The following ADAM23 variants were observed in gnomAD, a reference collection of about 807,000 sequenced individuals.
ADAM23 encodes disintegrin and metalloproteinase domain-containing protein 23.
ADAM23 carries 33 observed loss-of-function variants against 120.1 expected under a neutral mutation model. That is an observed-to-expected ratio of 0.27 (90% confidence interval 0.21 to 0.37). The LOEUF (loss-of-function observed/expected upper bound fraction) is 0.37, where lower values mean the gene tolerates loss of function less well. ADAM23 is among the 10% of genes least tolerant of loss of function. The pLI, the probability that ADAM23 is intolerant of heterozygous loss-of-function variation, is 1.00. For synonymous variants in ADAM23, 367 were observed against 375.2 expected (o/e 0.98, Z 0.25); for missense variants, 862 against 1,058.2 (o/e 0.81, Z 2.57).
chr2:206,542,519 A>G (rs1220257609), intron 5 of ADAM23, among the ~76,000 whole-genome samples: 1 of 152,112 alleles, frequency 6.6e-6, no homozygotes, highest in Non-Finnish European at 1.5e-5. Context: ...CCTAACAGTA[A>G]GTTGGAGTTA....
At chr2:206,541,709 T>G (rs1268964968) in intron 4 of ADAM23, among the ~76,000 whole-genome samples, 2 of 152,088 alleles carry the variant, frequency 1.3e-5, no homozygotes, top group Non-Finnish European at 2.9e-5. Context: ...ACTTTTGGAG[T>G]CTCTCTTCAG....
intron 14 of ADAM23, among the ~76,000 whole-genome samples, chr2:206,566,234 AATAAG>A (rs1274436400): frequency 1.3e-5 from 2 of 149,792 alleles, no homozygotes; most frequent in Non-Finnish European, 3.0e-5. Flanking sequence ...AAATGTTTTA[AATAAG>A]ATAAAATGTT....
intron 2 of ADAM23, among the ~76,000 whole-genome samples, chr2:206,470,777 G>A (rs1022115438): frequency 9.2e-5 from 14 of 152,198 alleles, no homozygotes; most frequent in African/African-American, 3.1e-4. Context: ...TCAGAATTCA[G>A]TGCAAAGGAC....
At chr2:206,550,711 C>T (rs2105814009) in intron 9 of ADAM23, among the ~76,000 whole-genome samples, 2 of 151,690 alleles carry the variant, frequency 1.3e-5, no homozygotes, top group South Asian at 2.1e-4. Context: ...ACGCTATTCT[C>T]CTGCCTCAGC....
chr2:206,572,676 TTGATTGTC>T (rs1698028727), intron 17 of ADAM23, among the ~76,000 whole-genome samples: 1 of 152,198 alleles, frequency 6.6e-6, no homozygotes, highest in Admixed American at 6.5e-5. Flanking sequence ...TTATTAAAAT[TTGATTGTC>T]TGTGTTTAGC....
intron 24 of ADAM23, chr2:206,606,775 CTCTCTCTAAT>C: frequency 6.6e-6 from 1 of 152,172 alleles, no homozygotes; most frequent in African/African-American, 2.4e-5. Context: ...TTTTTTTCTT[CTCTCTCTAAT>C]TAGAAAAAGA....
chr2:206,531,312 G>A (rs1697057042), intron 4 of ADAM23, among the ~76,000 whole-genome samples: 1 of 152,170 alleles, frequency 6.6e-6, no homozygotes, highest in Admixed American at 6.5e-5. Flanking sequence ...TAGTGCAAAT[G>A]ATTTTGCTGC....
At chr2:206,545,368 C>G (rs930214242) in intron 6 of ADAM23, among the ~76,000 whole-genome samples, 2 of 152,092 alleles carry the variant, frequency 1.3e-5, no homozygotes, top group African/African-American at 4.8e-5. Context: ...AGCCTGTAAT[C>G]CCAGCTAGTG....
intron 24 of ADAM23, among the ~76,000 whole-genome samples, chr2:206,599,861 T>A (rs1698602771): frequency 6.6e-6 from 1 of 152,202 alleles, no homozygotes; most frequent in South Asian, 2.1e-4. Flanking sequence ...AGTGTTTTAC[T>A]TACTGTAGGC....
At chr2:206,567,396 T>A in intron 15 of ADAM23, 74 bp downstream of exon 15, 1 of 1,189,110 alleles carries the variant, frequency 8.4e-7, no homozygotes, top group Non-Finnish European at 1.2e-6. Flanking sequence ...GTGCTGGATA[T>A]CAGACGCCTG....
Position 206,515,176 on chromosome 2 carries a change from G to C in ADAM23, c.510-15709G>C, listed in dbSNP as rs1696704246. On this transcript the variant is annotated intron_variant, in intron 3 of 25. Coordinates refer to ENST00000264377, the MANE Select transcript of ADAM23 (RefSeq NM_003812.4). The stretch of plus-strand genomic sequence containing the variant: ...TGTACAAACATCTCTTATTACAGTA[G>C]GAGAATATGGGAGTCAGAAAAGGAA... Among the ~76,000 whole-genome samples, 3 of 152,178 alleles carry C rather than the reference G, an allele frequency of 2.0e-5. No homozygotes were observed. In the South Asian group the frequency reaches 6.2e-4, roughly 32 times the overall value.
chr2:206,565,677 C>T (rs1256288263), intron 14 of ADAM23, among the ~76,000 whole-genome samples: 1 of 152,104 alleles, frequency 6.6e-6, no homozygotes, highest in Non-Finnish European at 1.5e-5. Flanking sequence ...TCACAGGGAC[C>T]CCTGCCTCAT....
At chr2:206,586,607 T>G (rs1333491498) in intron 18 of ADAM23, among the ~76,000 whole-genome samples, 1 of 152,220 alleles carries the variant, frequency 6.6e-6, no homozygotes, top group African/African-American at 2.4e-5. Flanking sequence ...CCTGCATATT[T>G]TTTTCTTTTT....
chr2:206,555,348 T>C (rs904464090), intron 9 of ADAM23, among the ~76,000 whole-genome samples: 1 of 152,192 alleles, frequency 6.6e-6, no homozygotes, highest in Admixed American at 6.5e-5. Flanking sequence ...TTTTAATTCT[T>C]CTCTTTCCTC....
chr2:206,501,565 G>A (rs1696387951), intron 3 of ADAM23, among the ~76,000 whole-genome samples: 1 of 152,028 alleles, frequency 6.6e-6, no homozygotes, highest in African/African-American at 2.4e-5. Context: ...TTTTCCAAGA[G>A]TGGAAAATTA....
In ADAM23 at chr2:206,550,134, C is replaced by A; in HGVS notation, c.907C>A (p.Leu303Ile). The part of the protein sequence containing the change: ...GIFEEMKYLE[L>I]MIVNDHKTYK... Reference sequence around the variant, plus strand: ...ATTTGAAGAAATGAAATATTTGGAACTTATGATTGTTAATGATCACAAAAC... The same window carrying A: ...ATTTGAAGAAATGAAATATTTGGAAATTATGATTGTTAATGATCACAAAAC... Residue 303 changes from leucine (L) to isoleucine (I), a missense_variant, in exon 9 of 26, where the codon CTT becomes ATT. By Grantham distance (5) the Leu-to-Ile change is conservative. Transcript: ENST00000264377. 6.3e-7 allele frequency: 1 copy of A among 1,584,636 alleles called. No individual in the cohort carries two copies. The highest frequency in any genetic ancestry group is 8.6e-7 in the Non-Finnish European group (1 of 1,157,178).
chr2:206,513,364 TG>T lies in ADAM23; in HGVS notation c.510-17519del, dbSNP rs1363072816. ...AAGTGAAACAGCCTTGTTGCTGATA[TG>T]GAGAAAGTTTTAATGTTCTGGATAG... On this transcript the variant is annotated intron_variant, in intron 3 of 25. Coordinates refer to ENST00000264377, the MANE Select transcript of ADAM23 (RefSeq NM_003812.4). 4.3e-5 allele frequency among the ~76,000 whole-genome samples: 6 copies of T among 140,596 alleles called. No homozygotes were observed. The East Asian group carries it at 1.2e-3, about 29-fold the overall frequency. The allele number at this position is 140,596 out of a possible 152,430, so 92.2% of individuals were successfully genotyped here. A position where few individuals can be genotyped will look rare whatever the true frequency, so the allele number is the denominator to read the frequency against.
rs192946697 is a variant in ADAM23, at chr2:206,500,960, T to C, written c.509+19652T>C. ...TCAGTGTTTTCCTGTTTAAAGTCAA[T>C]ATATCAAAGAAGGCTAAGAGGTGAG... On this transcript the variant is annotated intron_variant, in intron 3 of 25. Transcript: ENST00000264377. Among the ~76,000 whole-genome samples, 3 of 152,144 alleles carry C rather than the reference T, an allele frequency of 2.0e-5. No homozygotes were observed. In the East Asian group the frequency reaches 5.8e-4, roughly 29 times the overall value.
intron 12 of ADAM23, 98 bp from the exon 13 acceptor site, chr2:206,562,105 A>G: frequency 1.0e-6 from 1 of 986,010 alleles, no homozygotes; most frequent in East Asian, 2.4e-5. Context: ...GGCTCTACTT[A>G]GGGAACTGAG....
Sources: gnomAD v4.1 joint callset for allele counts (sites outside exome capture counted in the v4.1 genomes callset) on GRCh38, gnomAD v4.1.1 for gene constraint, MANE v1.5 for transcripts, NCBI Gene and HGNC (gene_info 2026-07-23, HGNC 2026-07-21) for gene names.